Variants in MYRIP observed in about 807,000 individuals in gnomAD.
MYRIP encodes the protein myosin VIIA and Rab interacting protein.
MYRIP carries 49 observed loss-of-function variants against 98.0 expected under a neutral mutation model. The observed-to-expected ratio is 0.50, with a 90% CI of 0.40 to 0.63. The LOEUF is 0.63. MYRIP is among the 30% of genes least tolerant of loss of function. The pLI is 0.00. For synonymous variants in MYRIP, 404 were observed against 409.5 expected (o/e 0.99, Z 0.16); for missense variants, 1,004 against 1,058.2 (o/e 0.95, Z 0.71).
At chr3:40,244,383 A>C in intron 12 of MYRIP, 63 bp from the exon 13 acceptor site, 1 of 1,486,292 alleles carries the variant, frequency 6.7e-7, no homozygotes, top group Non-Finnish European at 9.0e-7. Flanking sequence ...GGGTCCCCTC[A>C]AGGGACCCCC....
At chr3:40,218,619 T>C (rs1459188727) in intron 11 of MYRIP, among the ~76,000 whole-genome samples, 2,663 of 17,332 alleles carry the variant, frequency 0.15, 201 homozygotes, top group Middle Eastern at 0.22. Context: ...ATTTTATATA[T>C]ATATATATAT....
chr3:39,968,499 G>T (rs1374035966), intron 2 of MYRIP, among the ~76,000 whole-genome samples: 2 of 152,096 alleles, frequency 1.3e-5, no homozygotes, highest in African/African-American at 4.8e-5. Context: ...GTTGATTTTT[G>T]TATATGGCAT....
At chr3:39,957,363 G>C (rs1293315478) in intron 2 of MYRIP, among the ~76,000 whole-genome samples, 1 of 149,334 alleles carries the variant, frequency 6.7e-6, no homozygotes, top group Non-Finnish European at 1.5e-5. Context: ...GGGATGCAAG[G>C]CTGGCTCAAC....
intron 2 of MYRIP, among the ~76,000 whole-genome samples, chr3:40,014,649 C>G (rs1946822669): frequency 6.6e-6 from 1 of 152,138 alleles, no homozygotes; most frequent in African/African-American, 2.4e-5. Flanking sequence ...CTATTCCTGC[C>G]ACCATTGTGG....
At chr3:39,931,234 T>A (rs969383508) in intron 2 of MYRIP, among the ~76,000 whole-genome samples, 1 of 152,066 alleles carries the variant, frequency 6.6e-6, no homozygotes, top group Non-Finnish European at 1.5e-5. Context: ...TAGTTTTCCA[T>A]GTACAAATCT....
chr3:39,951,366 G>C (rs1945010178), intron 2 of MYRIP, among the ~76,000 whole-genome samples: 1 of 152,026 alleles, frequency 6.6e-6, no homozygotes, highest in South Asian at 2.1e-4. Flanking sequence ...GTGGAATTCA[G>C]TTGGGAGTAT....
chr3:40,021,083 T>C (rs1461145968), intron 2 of MYRIP, among the ~76,000 whole-genome samples: 1 of 152,226 alleles, frequency 6.6e-6, no homozygotes, highest in Non-Finnish European at 1.5e-5. Flanking sequence ...CCATTCCTTT[T>C]TATAAAAGCA....
At chr3:40,177,780 GTAA>G (rs2125609593) in intron 8 of MYRIP, among the ~76,000 whole-genome samples, 1 of 152,206 alleles carries the variant, frequency 6.6e-6, no homozygotes, top group South Asian at 2.1e-4. Context: ...GATCTTATTG[GTAA>G]TAATGATGAT....
At chr3:39,881,650 C>T (rs150717764) in intron 1 of MYRIP, among the ~76,000 whole-genome samples, 99 of 152,228 alleles carry the variant, frequency 6.5e-4, no homozygotes, top group African/African-American at 2.3e-3. Context: ...AAATCCAGAG[C>T]CTCTCTAGCC....
intron 2 of MYRIP, among the ~76,000 whole-genome samples, chr3:39,979,064 A>C (rs13085835): frequency 6.6e-6 from 1 of 151,748 alleles, no homozygotes; most frequent in African/African-American, 2.4e-5. Flanking sequence ...AAAAGGAAAA[A>C]CTCAGCTCTG....
rs189763287 is a variant in MYRIP, at chr3:39,919,631, C to T, written c.110+18705C>T. 1.3e-4 allele frequency among the ~76,000 whole-genome samples: 20 copies of T among 151,372 alleles called. No homozygotes were observed. The East Asian group carries it at 2.3e-3, about 18-fold the overall frequency. On this transcript the variant is annotated intron_variant, in intron 2 of 16. Coordinates refer to ENST00000302541, the MANE Select transcript of MYRIP (RefSeq NM_015460.4). ...GTTGCTGTAACAATATAAACAGATT[C>T]GTGTGATCCTGAAGTAGGCCTGTAA...
intron 2 of MYRIP, among the ~76,000 whole-genome samples, chr3:39,974,799 C>T (rs1262878228): frequency 6.6e-6 from 1 of 152,088 alleles, no homozygotes; most frequent in African/African-American, 2.4e-5. Flanking sequence ...TGATAAAAAC[C>T]ATATGATAAT....
chr3:39,972,886 A>T (rs75397223), intron 2 of MYRIP, among the ~76,000 whole-genome samples: 1 of 151,452 alleles, frequency 6.6e-6, no homozygotes, highest in African/African-American at 2.4e-5. Flanking sequence ...TCTTGATTTT[A>T]TCTCTCGGTG....
intron 1 of MYRIP, among the ~76,000 whole-genome samples, chr3:39,815,902 A>G (rs1222698448): frequency 7.3e-6 from 1 of 137,102 alleles, no homozygotes; most frequent in Non-Finnish European, 1.6e-5. Context: ...TTTTTTTTTC[A>G]ATTATGCTTA....
At chr3:40,191,039 T>C (rs1031884427) in intron 10 of MYRIP, among the ~76,000 whole-genome samples, 2 of 152,216 alleles carry the variant, frequency 1.3e-5, no homozygotes, top group Non-Finnish European at 2.9e-5. Flanking sequence ...GATGTGACAC[T>C]AGGTCTCAGT....
chr3:40,035,819 CA>C (rs1947368600), intron 2 of MYRIP, among the ~76,000 whole-genome samples: 1 of 151,848 alleles, frequency 6.6e-6, no homozygotes, highest in Non-Finnish European at 1.5e-5. Context: ...ATGAGTGGAA[CA>C]GGCATATTTA....
At chr3:40,206,074 A>G (rs1951785806) in intron 10 of MYRIP, among the ~76,000 whole-genome samples, 1 of 152,150 alleles carries the variant, frequency 6.6e-6, no homozygotes, top group Admixed American at 6.6e-5. Flanking sequence ...GTGTGCGTGC[A>G]TACCAAAGTT....
At chr3:40,154,292 T>C (rs1432261795) in intron 4 of MYRIP, among the ~76,000 whole-genome samples, 1 of 152,150 alleles carries the variant, frequency 6.6e-6, no homozygotes, top group African/African-American at 2.4e-5. Context: ...CTGACCAGAT[T>C]AGGCCTAAAA....
Position 40,047,390 on chromosome 3 carries a change from T to C in MYRIP, c.332+3119T>C, listed in dbSNP as rs149119070. 6.6e-4 allele frequency among the ~76,000 whole-genome samples: 100 copies of C among 152,290 alleles called. No individual in the cohort carries two copies. The Middle Eastern group carries it at 0.01, about 16-fold the overall frequency. ...AAATAAAGAACCATTCATAGAAGGATACCTGGAAAGACATGCAACAGCCAG... is the reference window on the plus strand; with the variant it reads ...AAATAAAGAACCATTCATAGAAGGACACCTGGAAAGACATGCAACAGCCAG... On this transcript the variant is annotated intron_variant, in intron 3 of 16. Transcript: ENST00000302541.
Sources: allele counts gnomAD v4.1 joint callset (sites outside exome capture counted in the v4.1 genomes callset), GRCh38; gene constraint gnomAD v4.1.1; transcripts MANE v1.5; gene names NCBI Gene and HGNC (gene_info 2026-07-23, HGNC 2026-07-21).